The following ACAD11 variants were observed in gnomAD, a reference collection of about 807,000 sequenced individuals.
ACAD11 encodes acyl-Coenzyme A dehydrogenase family, member 11.
Under a neutral mutation model 102.2 loss-of-function variants are expected in ACAD11, and 83 were observed. The ratio of observed to expected loss-of-function variants is 0.81; its 90% confidence interval spans 0.68 to 0.97. The LOEUF (loss-of-function observed/expected upper bound fraction) is 0.97. Ranked by LOEUF, ACAD11 falls within the 50% of genes least tolerant of loss-of-function variation. The pLI is 0.00. For missense variants in ACAD11, 901 were observed against 951.7 expected (o/e 0.95, Z 0.70); for synonymous variants, 324 against 319.8 (o/e 1.01, Z -0.14).
At chr3:132,604,416 G>A (rs979187985) in intron 12 of ACAD11, among the ~76,000 whole-genome samples, 3 of 152,092 alleles carry the variant, frequency 2.0e-5, no homozygotes, top group Admixed American at 6.5e-5. Context: ...GTCTTAGAAC[G>A]TATCCCCTTC....
chr3:132,641,560 T>TGATGAAGAAGAA (rs751180735), intron 4 of ACAD11, among the ~76,000 whole-genome samples: 52 of 99,564 alleles, frequency 5.2e-4, no homozygotes, highest in African/African-American at 2.3e-3. Context: ...ATGATGATGA[T>TGATGAAGAAGAA]GAAGAAGAAG....
chr3:132,624,961 A>G (rs1415527086), intron 9 of ACAD11, among the ~76,000 whole-genome samples: 1 of 152,174 alleles, frequency 6.6e-6, no homozygotes, highest in African/African-American at 2.4e-5. Context: ...CCGGGATTAC[A>G]GGCTTGAGCC....
At chr3:132,659,578 T>C (rs777234104) in intron 1 of ACAD11, 25 bp downstream of exon 1, 2 of 1,607,946 alleles carry the variant, frequency 1.2e-6, no homozygotes, top group South Asian at 2.2e-5. Flanking sequence ...TTTTTTCCGC[T>C]GGAGGCAAAG....
intron 15 of ACAD11, 101 bp downstream of exon 15, chr3:132,578,695 A>C: frequency 7.6e-7 from 1 of 1,312,626 alleles, no homozygotes; most frequent in Non-Finnish European, 1.1e-6. Flanking sequence ...AGGAATATCT[A>C]AGAATCTATC....
rs549679598 is a variant in ACAD11 at position 132,617,921 on chromosome 3, C to T, written c.1414+713G>A. ...ACTCTTTCCCCATATAACAGCATGA[C>T]TAACTCAAGAAATCACCTTATATAA... is the stretch of plus-strand genomic sequence containing the variant. On this transcript the variant is annotated intron_variant, in intron 11 of 19. Transcript: ENST00000264990. 1.2e-3 allele frequency among the ~76,000 whole-genome samples: 182 copies of T among 152,284 alleles called. 5 individuals carry two copies. In the South Asian group the frequency reaches 0.037, roughly 31 times the overall value.
intron 13 of ACAD11, among the ~76,000 whole-genome samples, chr3:132,595,119 GTTATT>G (rs1349357005): frequency 6.6e-6 from 1 of 152,182 alleles, no homozygotes; most frequent in African/African-American, 2.4e-5. Flanking sequence ...ATGGATGAGG[GTTATT>G]TTAAGTAGAG....
chr3:132,602,268 T>G (rs1041942985), intron 13 of ACAD11: 1 of 166,990 alleles, frequency 6.0e-6, no homozygotes, highest in Admixed American at 6.6e-5. Context: ...AGACATAATT[T>G]GCTTCTATGA....
Position 132,575,735 on chromosome 3 carries a change from C to T in ACAD11, c.2001+37G>A, listed in dbSNP as rs776637784. 6.9e-5 allele frequency: 111 copies of T among 1,610,436 alleles called. 1 individual carries two copies. The highest frequency in any genetic ancestry group is 3.9e-4 in the South Asian group (35 of 90,860). ...TTTGTTCAATGTTAGTGTAGTGCAC[C>T]GGGCTACAATAAATTCAAATAAGTA... On this transcript the variant is annotated intron_variant, in intron 17 of 19. Coordinates refer to ENST00000264990, the MANE Select transcript of ACAD11 (RefSeq NM_032169.5).
At chr3:132,610,078 C>A (rs925973421) in intron 11 of ACAD11, among the ~76,000 whole-genome samples, 4 of 152,040 alleles carry the variant, frequency 2.6e-5, no homozygotes, top group Non-Finnish European at 5.9e-5. Context: ...AAATTAAACA[C>A]CCCTTCATGC....
intron 13 of ACAD11, among the ~76,000 whole-genome samples, chr3:132,580,143 C>A (rs1937577703): frequency 6.6e-6 from 1 of 152,022 alleles, no homozygotes; most frequent in Admixed American, 6.6e-5. Context: ...CAAGGCTGCA[C>A]ACAACTGGAT....
chr3:132,609,276 G>T (rs1183674974), intron 11 of ACAD11, among the ~76,000 whole-genome samples: 1 of 151,984 alleles, frequency 6.6e-6, no homozygotes, highest in African/African-American at 2.4e-5. Context: ...CAGAAGACAA[G>T]AAATAACCAA....
At chr3:132,600,538 C>T (rs1938526641) in intron 13 of ACAD11, 1 of 1,613,828 alleles carries the variant, frequency 6.2e-7, no homozygotes. Context: ...TCCCTGTATT[C>T]CTCACAATAG....
chr3:132,599,479 C>A (rs1198764425), intron 13 of ACAD11, among the ~76,000 whole-genome samples: 1 of 151,324 alleles, frequency 6.6e-6, no homozygotes, highest in Non-Finnish European at 1.5e-5. Context: ...GCATTCCAGC[C>A]TGGGCAACAG....
At chr3:132,650,340 C>G (rs1393146396) in intron 1 of ACAD11, 1 of 152,212 alleles carries the variant, frequency 6.6e-6, no homozygotes, top group African/African-American at 2.4e-5. Context: ...TTGCTAGGGA[C>G]TTCCCTAGAA....
chr3:132,644,517 C>G (rs73220106), intron 2 of ACAD11, among the ~76,000 whole-genome samples: 1,691 of 152,132 alleles, frequency 0.011, 15 homozygotes, highest in Non-Finnish European at 0.014. Flanking sequence ...TATTCATTGG[C>G]TGATTTTACT....
chr3:132,588,056 C>A (rs1328658829), intron 13 of ACAD11, among the ~76,000 whole-genome samples: 1 of 152,168 alleles, frequency 6.6e-6, no homozygotes, highest in Non-Finnish European at 1.5e-5. Flanking sequence ...CTTTAGCTTT[C>A]CTGTTCCACA....
chr3:132,657,778 C>T (rs1012913327), intron 1 of ACAD11, among the ~76,000 whole-genome samples: 6 of 151,484 alleles, frequency 4.0e-5, no homozygotes, highest in African/African-American at 1.5e-4. Flanking sequence ...AGATTATTGG[C>T]TCTTTAATCC....
rs767934839 is a variant in ACAD11 at position 132,559,046 on chromosome 3, A to G, written c.2268T>C (p.Pro756=). The G allele has an allele frequency of 1.4e-5, 22 of 1,613,750 alleles. No homozygotes were observed. The South Asian group carries it at 2.3e-4, about 17-fold the overall frequency. The change falls in exon 20 of 20, where the codon CCT becomes CCC. Residue 756 remains proline (P), a synonymous_variant. Transcript: ENST00000264990. ...ITRVLRLADG[P]DEVHLSAIAT... is the part of the protein sequence containing the mutation. Reference sequence around the variant, plus strand: ...CGATTGCTGAAAGATGAACTTCGTCAGGTCCATCTGCTAAACGCAAAACTC... The same window carrying G: ...CGATTGCTGAAAGATGAACTTCGTCGGGTCCATCTGCTAAACGCAAAACTC...
intron 13 of ACAD11, 30 bp downstream of exon 13, chr3:132,603,199 T>C: frequency 6.6e-7 from 1 of 1,517,500 alleles, no homozygotes; most frequent in Non-Finnish European, 9.2e-7. Flanking sequence ...GATCAGTGTG[T>C]TAGGTGAAAA....
Sources: gnomAD v4.1 joint callset for allele counts (sites outside exome capture counted in the v4.1 genomes callset) on GRCh38, gnomAD v4.1.1 for gene constraint, MANE v1.5 for transcripts, NCBI Gene and HGNC (gene_info 2026-07-23, HGNC 2026-07-21) for gene names.